B3GALT5: variants seen among roughly 807,000 people sequenced by gnomAD.
B3GALT5 encodes beta-1,3-galactosyltransferase 5.
For missense variants in B3GALT5, 328 were observed against 396.6 expected, an observed-to-expected ratio of 0.83 and a Z score of 1.47; for synonymous variants, 156 against 158.6, an observed-to-expected ratio of 0.98 and a Z score of 0.12.
chr21:39,662,326 A>T lies in B3GALT5; in HGVS notation c.*834A>T, dbSNP rs1466432031. On this transcript the variant is annotated 3_prime_UTR_variant, in exon 4 of 4. Transcript: ENST00000684187. Reference sequence around the variant, plus strand: ...CTTCTGAGCCATCTGCTGCTCTCTCATTTCATCACCCCAACTGTCCCTTGT... The same window carrying T: ...CTTCTGAGCCATCTGCTGCTCTCTCTTTTCATCACCCCAACTGTCCCTTGT... 2 of 166,922 alleles carry T rather than the reference A, an allele frequency of 1.2e-5. No individual in the cohort carries two copies. Among genetic ancestry groups the T allele is most frequent in the Non-Finnish European group, 2.9e-5 (2 of 68,124 alleles). The allele number at this position is 166,922 out of a possible 1,614,324, so 10.3% of individuals were successfully genotyped here.
At chr21:39,643,842 A>G (rs1308543280) in intron 1 of B3GALT5, among the ~76,000 whole-genome samples, 1 of 152,182 alleles carries the variant, frequency 6.6e-6, no homozygotes, top group African/African-American at 2.4e-5. Context: ...GCTGGTGTGC[A>G]GGGGGAGTAT....
intron 1 of B3GALT5, among the ~76,000 whole-genome samples, chr21:39,627,632 T>G: frequency 6.6e-6 from 1 of 152,182 alleles, no homozygotes; most frequent in Non-Finnish European, 1.5e-5. Context: ...ATTTTCCCAT[T>G]CTTTCCATTT....
intron 1 of B3GALT5, among the ~76,000 whole-genome samples, chr21:39,626,342 G>A (rs907518129): frequency 1.4e-4 from 22 of 152,284 alleles, no homozygotes; most frequent in African/African-American, 4.8e-4. Flanking sequence ...GTGAACGCTC[G>A]GGTTGTTTTC....
chr21:39,613,200 TTC>T (rs1569203629), intron 1 of B3GALT5, 133 bp downstream of exon 1: 1 of 152,040 alleles, frequency 6.6e-6, no homozygotes, highest in East Asian at 1.9e-4. Flanking sequence ...AGGCGTGCTC[TTC>T]TGTTTTCTCC....
At position 39,670,079 on chromosome 21, in the gene B3GALT5, G is replaced by A. The variant is rs2146234681; in HGVS notation, c.*8587G>A. ...CCTGCCCTGGCCAGCCCTCTCTTGAGGTTACTCAAGTGTCCAATGGCAGCC... is the reference window on the plus strand; with the variant it reads ...CCTGCCCTGGCCAGCCCTCTCTTGAAGTTACTCAAGTGTCCAATGGCAGCC... On this transcript the variant is annotated 3_prime_UTR_variant, in exon 4 of 4. Transcript: ENST00000684187. The A allele has an allele frequency of 6.6e-6, 1 of 152,378 alleles. No individual in the cohort carries two copies. The highest frequency in any genetic ancestry group is 3.4e-3 in the Middle Eastern group (1 of 294). 9.4% of individuals were successfully genotyped at this position (152,378 alleles called of 1,614,324 possible).
At chr21:39,641,982 T>C (rs652088) in intron 1 of B3GALT5, among the ~76,000 whole-genome samples, 82,500 of 152,036 alleles carry the variant, frequency 0.54, 22,529 homozygotes, top group South Asian at 0.61. Flanking sequence ...ATTAATGATC[T>C]CCATTTTACA....
At chr21:39,653,438 C>G (rs972436141) in intron 2 of B3GALT5, among the ~76,000 whole-genome samples, 1 of 152,166 alleles carries the variant, frequency 6.6e-6, no homozygotes, top group Non-Finnish European at 1.5e-5. Context: ...CAATCTGGCT[C>G]TTGAAGCTTA....
At chr21:39,639,335 TTTCTTTCTTTCTTTCCTTCC>T (rs1261551046) in intron 1 of B3GALT5, among the ~76,000 whole-genome samples, 2 of 118,372 alleles carry the variant, frequency 1.7e-5, no homozygotes, top group East Asian at 5.2e-4. Context: ...TCTTTCTTTC[TTTCTTTCTTTCTTTCCTTCC>T]TTCCTTCCTT....
chr21:39,650,586 C>T (rs2079385235), intron 2 of B3GALT5, among the ~76,000 whole-genome samples: 1 of 152,252 alleles, frequency 6.6e-6, no homozygotes, highest in East Asian at 1.9e-4. Flanking sequence ...TCCCTTTCAA[C>T]CAAGGGGACG....
chr21:39,649,149 T>C (rs554304237), intron 2 of B3GALT5, among the ~76,000 whole-genome samples: 9 of 152,286 alleles, frequency 5.9e-5, no homozygotes, highest in African/African-American at 2.2e-4. Context: ...ACTTGATTGA[T>C]TGGAGGCTTC....
In B3GALT5 at chr21:39,666,729, C is replaced by T. The variant is rs1309050346; in HGVS notation, c.*5237C>T. 1.3e-5 allele frequency: 2 copies of T among 152,306 alleles called. No homozygotes were observed. The highest frequency in any genetic ancestry group is 4.8e-5 in the African/African-American group (2 of 41,468). 9.4% of individuals were successfully genotyped at this position (152,306 alleles called of 1,614,324 possible). A position where few individuals can be genotyped will look rare whatever the true frequency, so the allele number is the denominator to read the frequency against. On this transcript the variant is annotated 3_prime_UTR_variant, in exon 4 of 4. Transcript: ENST00000684187. ...CCCTAAATGTATTTAATTCCTGCTC[C>T]TCTTCAAACACACCATTGTAACCAC...
intron 1 of B3GALT5, among the ~76,000 whole-genome samples, chr21:39,629,706 C>G (rs984969622): frequency 1.3e-5 from 2 of 152,116 alleles, no homozygotes; most frequent in Non-Finnish European, 2.9e-5. Context: ...TATAAATAAT[C>G]TGTTATTGCA....
intron 1 of B3GALT5, among the ~76,000 whole-genome samples, chr21:39,634,136 G>A (rs1216694555): frequency 6.6e-6 from 1 of 152,122 alleles, no homozygotes; most frequent in Non-Finnish European, 1.5e-5. Context: ...ACCCAATTCT[G>A]TTTTCTTTTC....
In B3GALT5 at chr21:39,632,058, G is replaced by A. The variant is rs531726370; in HGVS notation, c.-391-14334G>A. Among the ~76,000 whole-genome samples the A allele has an allele frequency of 3.9e-5, 6 of 152,270 alleles. No individual in the cohort carries two copies. The East Asian group carries it at 7.7e-4, about 20-fold the overall frequency. On this transcript the variant is annotated intron_variant, in intron 1 of 3. Transcript: ENST00000684187. ...TTGCCACTGTGAAGTTTCAAGTGTC[G>A]GAGCGGAACTATTGGACTTGTGGTT...
intron 1 of B3GALT5, among the ~76,000 whole-genome samples, chr21:39,637,418 C>A (rs114418435): frequency 7.5e-4 from 114 of 152,376 alleles, no homozygotes; most frequent in African/African-American, 2.6e-3. Flanking sequence ...CCAGTCCAAC[C>A]CTTGCTGGCA....
chr21:39,616,269 T>C (rs1402229465), intron 1 of B3GALT5, among the ~76,000 whole-genome samples: 2 of 152,200 alleles, frequency 1.3e-5, no homozygotes, highest in African/African-American at 4.8e-5. Context: ...TCTCTCTTTT[T>C]CTTACTGTTT....
At chr21:39,613,324 G>C (rs2123676434) in intron 1 of B3GALT5, among the ~76,000 whole-genome samples, 1 of 152,352 alleles carries the variant, frequency 6.6e-6, no homozygotes, top group South Asian at 2.1e-4. Context: ...GCCACGCCCC[G>C]AGGAAGTTGT....
intron 1 of B3GALT5, among the ~76,000 whole-genome samples, chr21:39,614,025 A>G (rs1423037105): frequency 2.0e-5 from 3 of 152,200 alleles, no homozygotes; most frequent in Non-Finnish European, 4.4e-5. Context: ...ATGAAGATAC[A>G]GATCTGGGGA....
Position 39,625,857 on chromosome 21 carries a change from G to T in B3GALT5, c.-392+12790G>T, listed in dbSNP as rs1445938115. On this transcript the variant is annotated intron_variant, in intron 1 of 3. Coordinates refer to ENST00000684187, the MANE Select transcript of B3GALT5 (RefSeq NM_001356336.2). Reference sequence around the variant, plus strand: ...TCTTTCTTTTATTCATAGTTTTTTTGGGGGGGTATAATCAATATTATGCAT... The same window carrying T: ...TCTTTCTTTTATTCATAGTTTTTTTTGGGGGGTATAATCAATATTATGCAT... 3.3e-5 allele frequency among the ~76,000 whole-genome samples: 5 copies of T among 152,014 alleles called. 1 individual carries two copies. Among genetic ancestry groups the T allele is most frequent in the Admixed American group, 2.0e-4 (3 of 15,274 alleles).
Sources: allele counts gnomAD v4.1 joint callset (sites outside exome capture counted in the v4.1 genomes callset), GRCh38; gene constraint gnomAD v4.1.1; transcripts MANE v1.5; gene names NCBI Gene and HGNC (gene_info 2026-07-23, HGNC 2026-07-21).